Variants in ABTB2 observed in about 807,000 individuals in gnomAD.
The protein encoded by ABTB2 is ankyrin repeat and BTB domain containing 2.
In ABTB2, 56 loss-of-function variants were observed where a neutral mutation model predicts 104.1. The observed-to-expected ratio is 0.54, with a 90% CI of 0.43 to 0.67. The LOEUF (loss-of-function observed/expected upper bound fraction) is 0.67. Among genes scored for constraint, ABTB2 ranks in the 30% least tolerant of loss-of-function variants. ABTB2 has a pLI of 0.00. For missense variants in ABTB2, 1,279 were observed against 1,407.7 expected (o/e 0.91, Z 1.46); for synonymous variants, 606 against 608.2 (o/e 1.00, Z 0.05).
At chr11:34,310,591 C>T (rs1295632506) in intron 1 of ABTB2, among the ~76,000 whole-genome samples, 2 of 152,138 alleles carry the variant, frequency 1.3e-5, no homozygotes, top group African/African-American at 4.8e-5. Flanking sequence ...CTGCATCCCT[C>T]CAGCCTTTAA....
intron 1 of ABTB2, among the ~76,000 whole-genome samples, chr11:34,255,763 C>T (rs994021093): frequency 1.3e-5 from 2 of 152,174 alleles, no homozygotes; most frequent in African/African-American, 4.8e-5. Flanking sequence ...GTGATCCGCA[C>T]GCCTCGGCCT....
At position 34,356,817 on chromosome 11, in the gene ABTB2, C is replaced by G; in HGVS notation, c.767G>C (p.Gly256Ala). 3.7e-6 allele frequency: 6 copies of G among 1,607,408 alleles called. No homozygotes were observed. Among genetic ancestry groups the G allele is most frequent in the Non-Finnish European group, 5.1e-6 (6 of 1,177,000 alleles). Residue 256 changes from glycine to alanine, a missense_variant, in exon 1 of 17, where the codon GGG (glycine) becomes GCG (alanine). Gly to Ala is a moderately conservative substitution (Grantham distance 60, BLOSUM62 0). Coordinates refer to ENST00000435224, the MANE Select transcript of ABTB2 (RefSeq NM_145804.3). This position sits in a 1 kb window ranked among gnomAD's most constrained non-coding sequence, Gnocchi z 4.6. ...AGCAGACACCTCCCCGCCTCCGGCC[C>G]CTCCGCCATCAGGGCTGTGGCTGGC... ...VMASHSPDGGGAGGGEVSAEA... is the reference protein window; with the variant it reads ...VMASHSPDGGAAGGGEVSAEA...
intron 1 of ABTB2, among the ~76,000 whole-genome samples, chr11:34,316,631 C>T (rs1003718724): frequency 5.3e-5 from 8 of 152,152 alleles, no homozygotes; most frequent in African/African-American, 1.9e-4. Flanking sequence ...GTTGCTGTTG[C>T]CACTGGTGCT....
At chr11:34,225,645 C>T (rs1381797819) in intron 1 of ABTB2, among the ~76,000 whole-genome samples, 1 of 151,840 alleles carries the variant, frequency 6.6e-6, no homozygotes, top group Non-Finnish European at 1.5e-5. Context: ...ATTCCAGCTA[C>T]TCGGGAGGCT....
rs115094084 is a variant in ABTB2 at position 34,223,034 on chromosome 11, A to G, written c.884-18344T>C. On this transcript the variant is annotated intron_variant, in intron 1 of 16. Transcript: ENST00000435224. ...ATTTAAACTGAAACTTTGGGCTTTGACCCAAAGCCCCTCGCTGTTTGTTTT... is the reference window on the plus strand; with the variant it reads ...ATTTAAACTGAAACTTTGGGCTTTGGCCCAAAGCCCCTCGCTGTTTGTTTT... 6.2e-3 allele frequency among the ~76,000 whole-genome samples: 946 copies of G among 152,152 alleles called. 12 individuals carry two copies. The highest frequency in any genetic ancestry group is 0.021 in the African/African-American group (872 of 41,518).
rs751953353 is a variant in ABTB2 at position 34,197,515 on chromosome 11, G to A, written c.1054C>T (p.His352Tyr). 2 of 1,580,924 alleles carry A rather than the reference G, an allele frequency of 1.3e-6. No individual in the cohort carries two copies. Among genetic ancestry groups the A allele is most frequent in the South Asian group, 1.1e-5 (1 of 87,480 alleles). Residue 352 changes from histidine (H) to tyrosine (Y), a missense_variant, in exon 3 of 17, where the codon CAC (histidine) becomes TAC (tyrosine). Transcript: ENST00000435224. ...AGGGGGTGACGCCCCTGCATGTGGT[G>A]CATGGCACGGGAGACCAAGTCACCT... is the stretch of plus-strand genomic sequence containing the variant. ...ELSDLVSRAMHHMQGRHPLCP... is the reference protein window; with the variant it reads ...ELSDLVSRAMYHMQGRHPLCP...
At chr11:34,285,341 G>A (rs1006637818) in intron 1 of ABTB2, among the ~76,000 whole-genome samples, 1 of 152,028 alleles carries the variant, frequency 6.6e-6, no homozygotes, top group Non-Finnish European at 1.5e-5. Flanking sequence ...GGGTCCCTGG[G>A]GATTCATCAT....
intron 1 of ABTB2, among the ~76,000 whole-genome samples, chr11:34,229,019 T>G (rs183512699): frequency 6.8e-6 from 1 of 148,086 alleles, no homozygotes. Flanking sequence ...CTCGGGAGGC[T>G]GAGGCAGGAG....
intron 3 of ABTB2, among the ~76,000 whole-genome samples, chr11:34,189,641 T>C (rs1853147405): frequency 1.3e-5 from 2 of 152,162 alleles, no homozygotes. Flanking sequence ...GTTTTTAAAG[T>C]GTAGGTCCAT....
intron 1 of ABTB2, among the ~76,000 whole-genome samples, chr11:34,277,746 T>C (rs1458260235): frequency 6.7e-6 from 1 of 149,818 alleles, no homozygotes; most frequent in Non-Finnish European, 1.5e-5. Flanking sequence ...CCAGCCTGGG[T>C]GACAGAGCAA....
rs148434413 is a variant in ABTB2 at position 34,160,929 on chromosome 11, T to C, written c.2371A>G (p.Met791Val). Reference sequence around the variant, plus strand: ...TTGCTGGTCTTGAGGATGTCGAACATGAGCTGCAAGCCCTCGGTCACCAGC... The same window carrying C: ...TTGCTGGTCTTGAGGATGTCGAACACGAGCTGCAAGCCCTCGGTCACCAGC... ...EELVTEGLQL[M>V]FDILKTSKND... The change falls in exon 11 of 17, where the codon ATG becomes GTG. Residue 791 changes from methionine (M) to valine (V), a missense_variant. Physicochemically the swap from Met to Val is conservative, Grantham distance 21 (BLOSUM62 1). Transcript: ENST00000435224. The C allele has an allele frequency of 2.5e-6, 4 of 1,611,522 alleles. No individual in the cohort carries two copies. The highest frequency in any genetic ancestry group is 3.4e-6 in the Non-Finnish European group (4 of 1,178,730).
intron 1 of ABTB2, among the ~76,000 whole-genome samples, chr11:34,325,950 A>AAAAATATAAAAT (rs1230295117): frequency 1.4e-4 from 17 of 117,958 alleles, no homozygotes; most frequent in Admixed American, 8.5e-4. Flanking sequence ...GACAGTCTCA[A>AAAAATATAAAAT]AAAATAAAAT....
At chr11:34,220,428 T>C (rs1853606229) in intron 1 of ABTB2, among the ~76,000 whole-genome samples, 1 of 152,218 alleles carries the variant, frequency 6.6e-6, no homozygotes, top group Non-Finnish European at 1.5e-5. Context: ...TTCTGGGAAA[T>C]ACTACTTCTC....
At chr11:34,239,656 C>T (rs1010281717) in intron 1 of ABTB2, among the ~76,000 whole-genome samples, 17 of 152,132 alleles carry the variant, frequency 1.1e-4, no homozygotes, top group African/African-American at 2.9e-4. Flanking sequence ...TACCCCCACC[C>T]GGGGCTTTCT....
At chr11:34,343,405 C>T (rs1389772919) in intron 1 of ABTB2, among the ~76,000 whole-genome samples, 1 of 152,196 alleles carries the variant, frequency 6.6e-6, no homozygotes, top group Non-Finnish European at 1.5e-5. Context: ...GGGCCCCATG[C>T]CAGACCATTT....
intron 1 of ABTB2, among the ~76,000 whole-genome samples, chr11:34,301,754 C>A (rs562218332): frequency 6.6e-6 from 1 of 152,256 alleles, no homozygotes; most frequent in South Asian, 2.1e-4. Flanking sequence ...GATGCCAAGG[C>A]GGGAGGATGG....
intron 1 of ABTB2, among the ~76,000 whole-genome samples, chr11:34,315,891 T>G (rs1854922870): frequency 6.6e-6 from 1 of 152,176 alleles, no homozygotes; most frequent in African/African-American, 2.4e-5. Context: ...CCCCTCACAG[T>G]GGAGAAACCT....
At chr11:34,317,503 T>C (rs1854948181) in intron 1 of ABTB2, among the ~76,000 whole-genome samples, 1 of 152,160 alleles carries the variant, frequency 6.6e-6, no homozygotes, top group African/African-American at 2.4e-5. Flanking sequence ...CCAGGCATGG[T>C]GTCTTACACC....
chr11:34,353,163 GCAATCC>G (rs1034776079), intron 1 of ABTB2, among the ~76,000 whole-genome samples: 3 of 152,202 alleles, frequency 2.0e-5, no homozygotes, highest in African/African-American at 7.2e-5. Flanking sequence ...CTAGGATAGA[GCAATCC>G]TTTTGTACAC....
Sources: gnomAD v4.1 joint callset for allele counts (sites outside exome capture counted in the v4.1 genomes callset) on GRCh38, gnomAD v4.1.1 for gene constraint, Gnocchi (gnomAD v3.1) non-coding constraint, MANE v1.5 for transcripts, NCBI Gene and HGNC (gene_info 2026-07-23, HGNC 2026-07-21) for gene names.